Variants in HAS3 observed in about 807,000 individuals in gnomAD.
The protein encoded by HAS3 is HA synthase 3.
A neutral mutation model predicts 50.3 loss-of-function variants in HAS3; 27 were observed. That is an observed-to-expected ratio of 0.54 (90% CI 0.40 to 0.74). HAS3 has a LOEUF of 0.74. HAS3 is among the 30% of genes least tolerant of loss of function. The pLI is 0.00. For missense variants in HAS3, 517 were observed against 742.8 expected (o/e 0.70, Z 3.53); for synonymous variants, 339 against 310.9 (o/e 1.09, Z -0.95).
At chr16:69,090,740 G>A in the HAS3 span, among the ~76,000 whole-genome samples, 2 of 151,992 alleles carry the variant, frequency 1.3e-5, no homozygotes, top group African/African-American at 4.8e-5. Flanking sequence ...GCTAATTTTC[G>A]TATTTTTTAA....
At position 69,114,748 on chromosome 16, in the gene HAS3, G is replaced by A; in HGVS notation, c.1144G>A (p.Glu382Lys). The change falls in exon 4 of 4, where the codon GAG (glutamate) becomes AAG (lysine). Residue 382 changes from glutamate to lysine, a missense_variant. Glu to Lys is a moderately conservative substitution (Grantham distance 56). Transcript: ENST00000569188. This position sits in a 1 kb window ranked among gnomAD's most constrained non-coding sequence, Gnocchi z 6.4. ...FHKHHLWMTY[E>K]SVVTGFFPFF... ...TAAGCACCACCTCTGGATGACCTAC[G>A]AGTCAGTGGTCACGGGTTTCTTCCC... 6.2e-7 allele frequency: 1 copy of A among 1,614,116 alleles called. No individual in the cohort carries two copies. The highest frequency in any genetic ancestry group is 8.5e-7 in the Non-Finnish European group (1 of 1,180,032).
In HAS3 at chr16:69,114,869, T is replaced by C. The variant is rs1283578672; in HGVS notation, c.1265T>C (p.Ile422Thr). The change falls in exon 4 of 4, where the codon ATC becomes ACC. Residue 422 changes from isoleucine to threonine, a missense_variant. Ile to Thr is a moderately conservative substitution (Grantham distance 89). Coordinates refer to ENST00000569188, the MANE Select transcript of HAS3 (RefSeq NM_001199280.2). This position sits in a 1 kb window ranked among gnomAD's most constrained non-coding sequence, Gnocchi z 6.4. The stretch of plus-strand genomic sequence containing the variant: ...CTGACGGTGCAGCTGGTGGGCATTA[T>C]CAAGGCCACCTACGCCTGCTTCCTT... ...FLLTVQLVGI[I>T]KATYACFLRG... 1 of 1,614,010 alleles carries C rather than the reference T, an allele frequency of 6.2e-7. No individual in the cohort carries two copies. Among genetic ancestry groups the C allele is most frequent in the Non-Finnish European group, 8.5e-7 (1 of 1,180,044 alleles).
the HAS3 span, chr16:69,084,025 G>A: frequency 5.9e-6 from 1 of 169,502 alleles, no homozygotes; most frequent in Non-Finnish European, 1.3e-5. Flanking sequence ...GAAGCGGTTG[G>A]CCACCCATAT....
At chr16:69,118,412 G>C, downstream of HAS3, 1 of 1,613,706 alleles carries the variant, frequency 6.2e-7, no homozygotes, top group East Asian at 2.2e-5. Flanking sequence ...CCAGGTCAGA[G>C]CTACGGAAGC....
At position 69,114,936 on chromosome 16, in the gene HAS3, C is replaced by T. The variant is rs1259932828; in HGVS notation, c.1332C>T (p.Leu444=). 5.6e-6 allele frequency: 9 copies of T among 1,614,028 alleles called. No individual in the cohort carries two copies. The highest frequency in any genetic ancestry group is 2.2e-5 in the East Asian group (1 of 44,886). Residue 444 remains leucine (L), a synonymous_variant, in exon 4 of 4, where the codon CTC becomes CTT. Coordinates refer to ENST00000569188, the MANE Select transcript of HAS3 (RefSeq NM_001199280.2). This position sits in a 1 kb window ranked among gnomAD's most constrained non-coding sequence, Gnocchi z 6.4. ...TGATCTTCATGTCCCTCTACTCCCT[C>T]CTCTATATGTCCAGCCTTCTGCCGG... The part of the protein sequence containing the change: ...AEMIFMSLYS[L]LYMSSLLPAK...
chr16:69,096,859 C>T, the HAS3 span, among the ~76,000 whole-genome samples: 4 of 152,042 alleles, frequency 2.6e-5, no homozygotes, highest in African/African-American at 9.6e-5. Context: ...CCTCGTGATC[C>T]GCCCACCTCA....
chr16:69,083,821 TC>T, the HAS3 span: 1 of 699,540 alleles, frequency 1.4e-6, no homozygotes, highest in South Asian at 2.0e-5. Context: ...CAGGGTCCCT[TC>T]CGAGGGCATG....
the HAS3 span, among the ~76,000 whole-genome samples, chr16:69,100,544 G>A: frequency 2.6e-5 from 4 of 152,104 alleles, no homozygotes; most frequent in African/African-American, 7.2e-5. Flanking sequence ...GCAGTGAAGC[G>A]TTAAGGGCAG....
chr16:69,105,035 T>G (rs1597090767), upstream of HAS3, among the ~76,000 whole-genome samples: 1 of 111,088 alleles, frequency 9.0e-6, no homozygotes, highest in African/African-American at 3.6e-5. Flanking sequence ...GGAGACGGAG[T>G]CTCGCTCTGC....
the HAS3 span, among the ~76,000 whole-genome samples, chr16:69,090,204 C>G: frequency 0.26 from 40,131 of 152,024 alleles, 5,893 homozygotes; most frequent in African/African-American, 0.4. Flanking sequence ...ACACGTGGGG[C>G]CCACCAAGAA....
the HAS3 span, among the ~76,000 whole-genome samples, chr16:69,098,614 C>G: frequency 3.5e-4 from 51 of 146,576 alleles, no homozygotes; most frequent in African/African-American, 1.2e-3. Flanking sequence ...ATCCATTGTT[C>G]TACCACTTGA....
chr16:69,083,600 T>A, the HAS3 span: 1 of 1,592,368 alleles, frequency 6.3e-7, no homozygotes, highest in East Asian at 2.3e-5. Flanking sequence ...CTGGATGACA[T>A]CATGAAAAAC....
the HAS3 span, chr16:69,083,780 G>T: frequency 5.0e-6 from 6 of 1,201,410 alleles, no homozygotes; most frequent in Non-Finnish European, 6.8e-6. Flanking sequence ...GACCCTCGGG[G>T]TGGTTTTATG....
In HAS3 at chr16:69,117,485, T is replaced by C. The variant is rs1279961952; in HGVS notation, c.*2219T>C. 13 of 984,448 alleles carry C rather than the reference T, an allele frequency of 1.3e-5. No homozygotes were observed. Among genetic ancestry groups the C allele is most frequent in the African/African-American group, 8.7e-5 (5 of 57,218 alleles). 61.0% of individuals were successfully genotyped at this position (984,448 alleles called of 1,614,324 possible). A position where few individuals can be genotyped will look rare whatever the true frequency, so the allele number is the denominator to read the frequency against. Reference sequence around the variant, plus strand: ...TTGCAAGGGAAGAGCCTTTATACAATTGGACGCATTTTGGTTTTTCCTCAT... The same window carrying C: ...TTGCAAGGGAAGAGCCTTTATACAACTGGACGCATTTTGGTTTTTCCTCAT... On this transcript the variant is annotated 3_prime_UTR_variant, in exon 4 of 4. Coordinates refer to ENST00000569188, the MANE Select transcript of HAS3 (RefSeq NM_001199280.2).
chr16:69,088,908 T>C, the HAS3 span, among the ~76,000 whole-genome samples: 1 of 151,900 alleles, frequency 6.6e-6, no homozygotes, highest in Non-Finnish European at 1.5e-5. Context: ...GGCAGCAGAG[T>C]GAGACCCTGT....
chr16:69,087,865 A>G, the HAS3 span, among the ~76,000 whole-genome samples: 1 of 144,734 alleles, frequency 6.9e-6, no homozygotes, highest in Non-Finnish European at 1.5e-5. Flanking sequence ...ACCACGCCCA[A>G]CTATTTTTTT....
chr16:69,094,539 C>A, the HAS3 span, among the ~76,000 whole-genome samples: 2 of 152,190 alleles, frequency 1.3e-5, no homozygotes, highest in South Asian at 4.1e-4. Flanking sequence ...GTGTCTTTCT[C>A]TGTGGACAAG....
chr16:69,112,180 A>T (rs1961025667), intron 2 of HAS3, among the ~76,000 whole-genome samples: 2 of 152,268 alleles, frequency 1.3e-5, no homozygotes, highest in South Asian at 4.1e-4. Context: ...AAAGCAGCAT[A>T]TAAAGAATGG....
chr16:69,094,998 T>G, the HAS3 span, among the ~76,000 whole-genome samples: 1 of 151,134 alleles, frequency 6.6e-6, no homozygotes, highest in Non-Finnish European at 1.5e-5. Context: ...TTTTTTTTTT[T>G]TTGAGACAGT....
Sources: allele counts gnomAD v4.1 joint callset (sites outside exome capture counted in the v4.1 genomes callset), GRCh38; gene constraint gnomAD v4.1.1; non-coding constraint Gnocchi (gnomAD v3.1); transcripts MANE v1.5; gene names NCBI Gene and HGNC (gene_info 2026-07-23, HGNC 2026-07-21).